DAB1: variants seen among roughly 807,000 people sequenced by gnomAD.
DAB1 encodes DAB adaptor protein 1.
In DAB1, 15 loss-of-function variants were observed where a neutral mutation model predicts 64.6. The ratio of observed to expected loss-of-function variants is 0.23; its 90% CI spans 0.16 to 0.36. DAB1 has a LOEUF of 0.36. Among genes scored for constraint, DAB1 ranks in the 10% least tolerant of loss-of-function variants. The probability of loss-of-function intolerance (pLI) is 1.00; values close to 1 mark genes in which losing one functional copy is unlikely to be tolerated. For missense variants in DAB1, 596 were observed against 706.7 expected, an observed-to-expected ratio of 0.84 and a Z score of 1.78; for synonymous variants, 235 against 251.9, an observed-to-expected ratio of 0.93 and a Z score of 0.64.
intron 4 of DAB1, among the ~76,000 whole-genome samples, chr1:58,258,104 G>A (rs1469720247): frequency 5.3e-5 from 8 of 152,188 alleles, no homozygotes; most frequent in Non-Finnish European, 1.2e-4. Flanking sequence ...GGTTCCCCAG[G>A]ATAGGCACTC....
rs553324680 is a variant in DAB1, at chr1:57,019,397, A to T, written c.896-3966T>A. ...AGGAGCTAACAGATGGGCTGTGCAC[A>T]CTTTTCTGGAGAGAGCTATTAGCAT... is the stretch of plus-strand genomic sequence containing the variant. On this transcript the variant is annotated intron_variant, in intron 11 of 14. Coordinates refer to ENST00000371236, the MANE Select transcript of DAB1 (RefSeq NM_001365792.1). Among the ~76,000 whole-genome samples, 67 of 152,138 alleles carry T rather than the reference A, an allele frequency of 4.4e-4. 3 individuals are homozygous for T. The highest frequency in any genetic ancestry group is 1.6e-3 in the African/African-American group (67 of 41,512).
intron 3 of DAB1, among the ~76,000 whole-genome samples, chr1:58,472,674 A>C (rs1328641405): frequency 6.6e-6 from 1 of 152,238 alleles, no homozygotes; most frequent in Non-Finnish European, 1.5e-5. Context: ...AGGACAGAAA[A>C]TCCAAGGTGG....
chr1:58,298,351 G>T (rs1662039447), intron 4 of DAB1, among the ~76,000 whole-genome samples: 1 of 151,958 alleles, frequency 6.6e-6, no homozygotes, highest in Admixed American at 6.6e-5. Context: ...TTCTATTATT[G>T]TTCCTTTGCC....
At chr1:58,450,604 A>T (rs1386093225) in intron 3 of DAB1, among the ~76,000 whole-genome samples, 1 of 152,212 alleles carries the variant, frequency 6.6e-6, no homozygotes, top group East Asian at 1.9e-4. Context: ...AACACAAAAA[A>T]TTAGCCGGGC....
intron 1 of DAB1, among the ~76,000 whole-genome samples, chr1:57,328,946 A>G (rs552577833): frequency 7.9e-5 from 12 of 152,356 alleles, no homozygotes; most frequent in African/African-American, 2.9e-4. Flanking sequence ...TAATCTACAG[A>G]CAGTGCTAAC....
intron 7 of DAB1, among the ~76,000 whole-genome samples, chr1:57,429,761 G>A (rs1308365143): frequency 6.6e-6 from 1 of 152,080 alleles, no homozygotes; most frequent in East Asian, 1.9e-4. Flanking sequence ...TCCCCTTTAT[G>A]TATGCTTGGT....
At chr1:57,366,542 G>A (rs1402336894) in intron 1 of DAB1, among the ~76,000 whole-genome samples, 1 of 152,158 alleles carries the variant, frequency 6.6e-6, no homozygotes, top group East Asian at 1.9e-4. Flanking sequence ...CCATTTTCTA[G>A]CACAGTGTTT....
At chr1:57,413,383 C>T (rs1684258880) in intron 1 of DAB1, among the ~76,000 whole-genome samples, 1 of 152,140 alleles carries the variant, frequency 6.6e-6, no homozygotes, top group Non-Finnish European at 1.5e-5. Flanking sequence ...AAGGCTATAG[C>T]TGCCATAAAT....
At chr1:57,561,181 A>C (rs1427128337) in intron 7 of DAB1, among the ~76,000 whole-genome samples, 1 of 152,112 alleles carries the variant, frequency 6.6e-6, no homozygotes, top group Non-Finnish European at 1.5e-5. Flanking sequence ...AGTTCCCTAT[A>C]ATCAGTTGAC....
At chr1:57,292,472 C>T (rs935152075) in intron 1 of DAB1, among the ~76,000 whole-genome samples, 10 of 152,028 alleles carry the variant, frequency 6.6e-5, no homozygotes, top group African/African-American at 2.4e-4. Context: ...TCCATGAAAC[C>T]ATACACAGAA....
chr1:58,198,678 G>T (rs146128050), intron 4 of DAB1, among the ~76,000 whole-genome samples: 2 of 152,228 alleles, frequency 1.3e-5, no homozygotes, highest in Non-Finnish European at 2.9e-5. Context: ...GGCCAATTAG[G>T]GATTACAGTT....
At chr1:58,520,589 C>T (rs953584768) in intron 2 of DAB1, among the ~76,000 whole-genome samples, 6 of 152,134 alleles carry the variant, frequency 3.9e-5, no homozygotes, top group Admixed American at 1.3e-4. Context: ...GGGCTACACA[C>T]ACAAGAACAC....
At chr1:58,049,408 T>C (rs1175558631) in intron 5 of DAB1, 4 of 463,480 alleles carry the variant, frequency 8.6e-6, no homozygotes, top group African/African-American at 7.8e-5. Context: ...TTTCCGATAA[T>C]AATTATGCTC....
At chr1:57,960,887 G>C (rs546786318) in intron 5 of DAB1, among the ~76,000 whole-genome samples, 28 of 152,238 alleles carry the variant, frequency 1.8e-4, no homozygotes, top group Non-Finnish European at 3.7e-4. Context: ...CAGAGAACCA[G>C]GCATGCAAAC....
intron 4 of DAB1, among the ~76,000 whole-genome samples, chr1:58,245,280 T>G (rs976567760): frequency 1.3e-4 from 20 of 152,180 alleles, no homozygotes; most frequent in African/African-American, 4.6e-4. Flanking sequence ...GGCTCCCTCC[T>G]GGGATCAACT....
chr1:58,404,705 A>C (rs1644600109), intron 3 of DAB1, among the ~76,000 whole-genome samples: 1 of 152,196 alleles, frequency 6.6e-6, no homozygotes, highest in Non-Finnish European at 1.5e-5. Flanking sequence ...CTAGGTTCAA[A>C]TGGTGTGTAT....
intron 3 of DAB1, among the ~76,000 whole-genome samples, chr1:58,411,265 T>C (rs1313089803): frequency 6.6e-6 from 1 of 152,234 alleles, no homozygotes; most frequent in Non-Finnish European, 1.5e-5. Context: ...GAGAAAGTTC[T>C]AAAATCAGAT....
chr1:57,472,741 G>A (rs537591237), intron 7 of DAB1, among the ~76,000 whole-genome samples: 7 of 152,208 alleles, frequency 4.6e-5, no homozygotes, highest in South Asian at 4.2e-4. Flanking sequence ...GAGTCTTGCC[G>A]ATGCCCCCAG....
At chr1:57,734,823 A>G (rs944371753) in intron 6 of DAB1, among the ~76,000 whole-genome samples, 33 of 152,370 alleles carry the variant, frequency 2.2e-4, no homozygotes, top group Non-Finnish European at 2.9e-4. Flanking sequence ...GCTACCAGTA[A>G]ACAACAAAAA....
Sources: gnomAD v4.1 joint callset for allele counts (sites outside exome capture counted in the v4.1 genomes callset) on GRCh38, gnomAD v4.1.1 for gene constraint, MANE v1.5 for transcripts, NCBI Gene and HGNC (gene_info 2026-07-23, HGNC 2026-07-21) for gene names.